Variants in CYTH3 observed in about 807,000 individuals in gnomAD.
CYTH3 encodes the protein cytohesin-3.
Under a neutral mutation model 55.1 loss-of-function variants are expected in CYTH3, and 23 were observed. The ratio of observed to expected loss-of-function variants is 0.42; its 90% CI spans 0.30 to 0.59. The LOEUF is 0.59. CYTH3 is among the 20% of genes least tolerant of loss of function. The probability of loss-of-function intolerance (pLI) is 0.20; values close to 1 mark genes in which losing one functional copy is unlikely to be tolerated. For missense variants in CYTH3, 413 were observed against 524.8 expected (o/e 0.79, Z 2.08); for synonymous variants, 249 against 194.9 (o/e 1.28, Z -2.31).
At chr7:6,213,047 C>A (rs754504989) in intron 1 of CYTH3, among the ~76,000 whole-genome samples, 2 of 152,122 alleles carry the variant, frequency 1.3e-5, no homozygotes, top group Non-Finnish European at 2.9e-5. Context: ...TAGTAGCATC[C>A]CGCTGACTTA....
intron 1 of CYTH3, among the ~76,000 whole-genome samples, chr7:6,242,616 C>G (rs1779703869): frequency 6.6e-6 from 1 of 151,998 alleles, no homozygotes; most frequent in Non-Finnish European, 1.5e-5. Flanking sequence ...ATCTTGTGAT[C>G]CGCCCGCCTC....
In CYTH3 at chr7:6,165,356, G is replaced by A. The variant is rs771504465; in HGVS notation, c.1044C>T (p.Gly348=). The change falls in exon 12 of 13, where the codon GGC becomes GGT. Residue 348 remains glycine, a synonymous_variant. Transcript: ENST00000350796. ...CCACATGGTTCCCCTCTACCACGCG[G>A]CCGTCGGCCTCAGTCTTACAGGCCT... ...VIKACKTEAD[G]RVVEGNHVVY... The A allele has an allele frequency of 1.2e-6, 2 of 1,614,148 alleles. No individual in the cohort carries two copies. Among genetic ancestry groups the A allele is most frequent in the African/African-American group, 1.3e-5 (1 of 75,058 alleles).
chr7:6,229,529 G>T lies in CYTH3; in HGVS notation c.35-38998C>A, dbSNP rs185708482. Among the ~76,000 whole-genome samples, 204 of 152,030 alleles carry T rather than the reference G, an allele frequency of 1.3e-3. 1 individual carries two copies. Among genetic ancestry groups the T allele is most frequent in the Non-Finnish European group, 1.9e-3 (129 of 67,990 alleles). The stretch of plus-strand genomic sequence containing the variant: ...TAGGGCTCATAGAACATATCTCAGG[G>T]CTGGGCGCAGTGGTTCACGCCTGTA... On this transcript the variant is annotated intron_variant, in intron 1 of 12. Transcript: ENST00000350796.
At chr7:6,192,933 G>A (rs1370210786) in intron 1 of CYTH3, among the ~76,000 whole-genome samples, 1 of 151,924 alleles carries the variant, frequency 6.6e-6, no homozygotes, top group African/African-American at 2.4e-5. Flanking sequence ...CACTTTGGGA[G>A]GCAGAGACAG....
chr7:6,232,844 T>A (rs552604221), intron 1 of CYTH3, among the ~76,000 whole-genome samples: 20 of 152,188 alleles, frequency 1.3e-4, no homozygotes, highest in African/African-American at 4.8e-4. Context: ...TTAGCCAGAG[T>A]CATTTTTTGT....
At chr7:6,220,712 A>G (rs1054356599) in intron 1 of CYTH3, among the ~76,000 whole-genome samples, 1 of 151,956 alleles carries the variant, frequency 6.6e-6, no homozygotes, top group African/African-American at 2.4e-5. Flanking sequence ...CTAAACATAC[A>G]CAGCCGGGCG....
intron 1 of CYTH3, among the ~76,000 whole-genome samples, chr7:6,238,746 T>TGGTGAAGGGTGTCGACAGCC (rs1369540172): frequency 3.3e-5 from 5 of 152,042 alleles, no homozygotes; most frequent in Non-Finnish European, 7.4e-5. Context: ...TGGACCACTG[T>TGGTGAAGGGTGTCGACAGCC]GGTGAAGGGT....
intron 1 of CYTH3, among the ~76,000 whole-genome samples, chr7:6,250,900 G>A (rs1424070017): frequency 3.3e-5 from 5 of 152,166 alleles, no homozygotes; most frequent in African/African-American, 1.2e-4. Flanking sequence ...ACAGTCCCTC[G>A]CTCCTGTAAT....
At position 6,170,870 on chromosome 7, in the gene CYTH3, C is replaced by T. The variant is rs1283538829; in HGVS notation, c.671G>A (p.Gly224Asp). Residue 224 changes from glycine (G) to aspartate (D), a missense_variant, in exon 8 of 13, where the codon GGC (glycine) becomes GAC (aspartate). Gly to Asp is a moderately conservative substitution (Grantham distance 94, BLOSUM62 -1). Coordinates refer to ENST00000350796, the MANE Select transcript of CYTH3 (RefSeq NM_004227.4). This position sits in a 1 kb window ranked among gnomAD's most constrained non-coding sequence, Gnocchi z 7.8. ...TAERFIAMNR[G>D]INEGGDLPEE... Reference sequence around the variant, plus strand: ...AGGGAGGTCCCCGCCCTCGTTGATGCCGCGGTTCATGGCGATGAACCGTTC... The same window carrying T: ...AGGGAGGTCCCCGCCCTCGTTGATGTCGCGGTTCATGGCGATGAACCGTTC... 12 of 1,613,394 alleles carry T rather than the reference C, an allele frequency of 7.4e-6. No individual in the cohort carries two copies. Among genetic ancestry groups the T allele is most frequent in the Admixed American group, 5.0e-5 (3 of 59,962 alleles).
chr7:6,179,814 CA>C (rs1783453288), intron 4 of CYTH3, among the ~76,000 whole-genome samples: 1 of 136,486 alleles, frequency 7.3e-6, no homozygotes, highest in African/African-American at 2.7e-5. Flanking sequence ...ACACACCACA[CA>C]CACACCACAC....
rs887207493 is a variant in CYTH3, at chr7:6,162,596, C to T, written c.*2348G>A. On this transcript the variant is annotated 3_prime_UTR_variant, in exon 13 of 13. Transcript: ENST00000350796. ...ATCAGCAGGCATGATGGTCGCACAG[C>T]CTTCATGCTAATACTGTCCTAACAC... 1.3e-5 allele frequency: 2 copies of T among 152,264 alleles called. No homozygotes were observed. The highest frequency in any genetic ancestry group is 6.5e-5 in the Admixed American group (1 of 15,286). 9.4% of individuals were successfully genotyped at this position (152,264 alleles called of 1,614,324 possible).
intron 1 of CYTH3, among the ~76,000 whole-genome samples, chr7:6,248,512 G>A (rs2115044596): frequency 6.6e-6 from 1 of 152,254 alleles, no homozygotes; most frequent in South Asian, 2.1e-4. Context: ...CCAGATGGGT[G>A]GGATGCCACC....
At position 6,170,246 on chromosome 7, in the gene CYTH3, G is replaced by A. The variant is rs1354915111; in HGVS notation, c.823+289C>T. On this transcript the variant is annotated intron_variant, in intron 9 of 12. Coordinates refer to ENST00000350796, the MANE Select transcript of CYTH3 (RefSeq NM_004227.4). The surrounding 1 kb of genome is among the most constrained non-coding windows in gnomAD (Gnocchi z 7.8). ...TGTGGAGATAATGCGCTTGCTTCTCGTGCAGGAAGCTGCCCTGGCTGGATC... is the reference window on the plus strand; with the variant it reads ...TGTGGAGATAATGCGCTTGCTTCTCATGCAGGAAGCTGCCCTGGCTGGATC... The A allele has an allele frequency of 9.6e-6, 4 of 417,460 alleles. No individual in the cohort carries two copies. The highest frequency in any genetic ancestry group is 2.0e-5 in the African/African-American group (1 of 49,398). 25.9% of individuals were successfully genotyped at this position (417,460 alleles called of 1,614,324 possible). A position where few individuals can be genotyped will look rare whatever the true frequency, so the allele number is the denominator to read the frequency against.
At position 6,207,991 on chromosome 7, in the gene CYTH3, C is replaced by T. The variant is rs908368108; in HGVS notation, c.35-17460G>A. ...AGGTGTTAGAAGCAGATAAAAAAAA[C>T]GATTAATAACTGTTCTATAGGATGA... is the stretch of plus-strand genomic sequence containing the variant. On this transcript the variant is annotated intron_variant, in intron 1 of 12. Coordinates refer to ENST00000350796, the MANE Select transcript of CYTH3 (RefSeq NM_004227.4). Among the ~76,000 whole-genome samples, 6 of 152,060 alleles carry T rather than the reference C, an allele frequency of 3.9e-5. No homozygotes were observed. In the South Asian group the frequency reaches 8.3e-4, roughly 21 times the overall value.
intron 1 of CYTH3, among the ~76,000 whole-genome samples, chr7:6,223,050 A>G (rs1049743817): frequency 2.6e-5 from 4 of 152,244 alleles, no homozygotes; most frequent in Admixed American, 2.6e-4. Flanking sequence ...ATGAATAAGG[A>G]TGCTTCACTT....
intron 1 of CYTH3, among the ~76,000 whole-genome samples, chr7:6,239,169 G>C: frequency 6.6e-6 from 1 of 152,072 alleles, no homozygotes; most frequent in East Asian, 1.9e-4. Context: ...GGCTATGATC[G>C]CACCACTTTA....
Position 6,170,563 on chromosome 7 carries a change from G to A in CYTH3, c.795C>T (p.Pro265=), listed in dbSNP as rs755033999. 3.1e-6 allele frequency: 5 copies of A among 1,613,846 alleles called. No homozygotes were observed. The highest frequency in any genetic ancestry group is 1.3e-5 in the African/African-American group (1 of 74,922). Reference sequence around the variant, plus strand: ...GCTTCAGGAGCCAGCCCTCGCGGTCGGGGTTGAAGAAGGTGTGGGTCAGGT... The same window carrying A: ...GCTTCAGGAGCCAGCCCTCGCGGTCAGGGTTGAAGAAGGTGTGGGTCAGGT... ...GNDLTHTFFN[P]DREGWLLKLG... The change falls in exon 9 of 13, where the codon CCC becomes CCT. Residue 265 remains proline, a synonymous_variant. Coordinates refer to ENST00000350796, the MANE Select transcript of CYTH3 (RefSeq NM_004227.4). The surrounding 1 kb of genome is among the most constrained non-coding windows in gnomAD (Gnocchi z 7.8).
At chr7:6,248,424 CCTT>C (rs1409028836) in intron 1 of CYTH3, among the ~76,000 whole-genome samples, 5 of 152,156 alleles carry the variant, frequency 3.3e-5, no homozygotes, top group African/African-American at 9.7e-5. Context: ...CTGGGAGCCT[CCTT>C]CTCTGAGCCT....
chr7:6,195,320 A>G (rs781204498), intron 1 of CYTH3, among the ~76,000 whole-genome samples: 1 of 152,214 alleles, frequency 6.6e-6, no homozygotes, highest in Non-Finnish European at 1.5e-5. Context: ...CTTTCTTAGT[A>G]AACTTTTGTC....
Sources: gnomAD v4.1 joint callset for allele counts (sites outside exome capture counted in the v4.1 genomes callset) on GRCh38, gnomAD v4.1.1 for gene constraint, Gnocchi (gnomAD v3.1) non-coding constraint, MANE v1.5 for transcripts, NCBI Gene and HGNC (gene_info 2026-07-23, HGNC 2026-07-21) for gene names.